RAP1B: variants seen among roughly 807,000 people sequenced by gnomAD.
RAP1B encodes the protein ras-related protein Rap-1b.
In RAP1B, 1 loss-of-function variant was observed where a neutral mutation model predicts 27.5. The observed-to-expected ratio is 0.04, with a 90% CI of 0.01 to 0.17. RAP1B has a LOEUF of 0.17. Ranked by LOEUF, RAP1B falls within the 10% of genes least tolerant of loss-of-function variation. The pLI, the probability that RAP1B is intolerant of heterozygous loss-of-function variation, is 1.00. For synonymous variants in RAP1B, 75 were observed against 73.1 expected (o/e 1.03, Z -0.13); for missense variants, 84 against 214.8 (o/e 0.39, Z 3.81).
Position 68,659,497 on chromosome 12 carries a change from T to G in RAP1B, c.*248T>G, listed in dbSNP as rs1253465192. 2 of 340,894 alleles carry G rather than the reference T, an allele frequency of 5.9e-6. No individual in the cohort carries two copies. Among genetic ancestry groups the G allele is most frequent in the Non-Finnish European group, 1.1e-5 (2 of 174,196 alleles). 21.1% of individuals were successfully genotyped at this position (340,894 alleles called of 1,614,324 possible). A position where few individuals can be genotyped will look rare whatever the true frequency, so the allele number is the denominator to read the frequency against. ...GCAGCTGGTAAAACCAGAGGCTACA[T>G]CCAGTATTACTGCTAAGAGACATTC... On this transcript the variant is annotated 3_prime_UTR_variant, in exon 8 of 8. Coordinates refer to ENST00000250559, the MANE Select transcript of RAP1B (RefSeq NM_001010942.3).
Position 68,617,229 on chromosome 12 carries a change from C to T in RAP1B, c.-27+6186C>T, listed in dbSNP as rs371743011. 2.9e-4 allele frequency among the ~76,000 whole-genome samples: 44 copies of T among 152,158 alleles called. No individual in the cohort carries two copies. In the East Asian group the frequency reaches 7.9e-3, roughly 27 times the overall value. On this transcript the variant is annotated intron_variant, in intron 1 of 7. Transcript: ENST00000250559. The stretch of plus-strand genomic sequence containing the variant: ...AATCTATTTTTACTTAGTTTTTATG[C>T]GCCAAAAGGTATGTATGTTGCATCC...
At position 68,671,077 on chromosome 12, in the gene RAP1B, A is replaced by G. The variant is rs1015892421; in HGVS notation, c.*11828A>G. 5 of 151,970 alleles carry G rather than the reference A, an allele frequency of 3.3e-5. No individual in the cohort carries two copies. The highest frequency in any genetic ancestry group is 9.7e-5 in the African/African-American group (4 of 41,368). 9.4% of individuals were successfully genotyped at this position (151,970 alleles called of 1,614,324 possible). ...AAACTATTCAAAAGATAAATGGTTG[A>G]AAGATATATAACTAGGCAGTTTAGA... On this transcript the variant is annotated 3_prime_UTR_variant, in exon 8 of 8. Coordinates refer to ENST00000250559, the MANE Select transcript of RAP1B (RefSeq NM_001010942.3).
In RAP1B at chr12:68,652,060, A is replaced by C; in HGVS notation, c.183+9A>C. ...TGGATACTGCAGGAACGGTAGGTAA[A>C]ACTAAATACCAAAGTATATACACCG... On this transcript the variant is annotated intron_variant, in intron 4 of 7. Coordinates refer to ENST00000250559, the MANE Select transcript of RAP1B (RefSeq NM_001010942.3). The C allele has an allele frequency of 2.5e-6, 4 of 1,601,074 alleles. No individual in the cohort carries two copies. The highest frequency in any genetic ancestry group is 3.4e-6 in the Non-Finnish European group (4 of 1,168,282).
At chr12:68,627,313 G>A in intron 1 of RAP1B, 1 of 784,528 alleles carries the variant, frequency 1.3e-6, no homozygotes, top group South Asian at 1.4e-5. Context: ...GCTGCTGTTT[G>A]CAGCCATTGC....
intron 1 of RAP1B, among the ~76,000 whole-genome samples, chr12:68,616,541 G>A (rs961432921): frequency 6.7e-6 from 1 of 149,266 alleles, no homozygotes; most frequent in Non-Finnish European, 1.5e-5. Context: ...CCGCCTCCAG[G>A]TTCAAGCAGA....
At chr12:68,612,169 T>G (rs1391156582) in intron 1 of RAP1B, among the ~76,000 whole-genome samples, 2 of 152,214 alleles carry the variant, frequency 1.3e-5, no homozygotes, top group Admixed American at 6.5e-5. Flanking sequence ...TCCGTCTAAT[T>G]GGATTTTGGT....
chr12:68,646,107 A>G (rs1232690319), intron 1 of RAP1B, among the ~76,000 whole-genome samples: 3 of 152,232 alleles, frequency 2.0e-5, no homozygotes, highest in Non-Finnish European at 4.4e-5. Context: ...TGTAGCTCCC[A>G]CAGCCAACTC....
At chr12:68,625,453 C>T (rs1871687686) in intron 1 of RAP1B, among the ~76,000 whole-genome samples, 1 of 152,190 alleles carries the variant, frequency 6.6e-6, no homozygotes, top group Non-Finnish European at 1.5e-5. Flanking sequence ...ACAGGAAGTA[C>T]CTATGCTCCC....
At chr12:68,648,153 TAAAC>T (rs1873553995) in intron 1 of RAP1B, 1 of 152,868 alleles carries the variant, frequency 6.5e-6, no homozygotes, top group African/African-American at 2.4e-5. Flanking sequence ...TTCATCATAC[TAAAC>T]ATTCTAAGTA....
chr12:68,649,271 C>G (rs1262823894), intron 2 of RAP1B: 1 of 153,398 alleles, frequency 6.5e-6, no homozygotes, highest in Non-Finnish European at 1.4e-5. Flanking sequence ...GTCTTAAACT[C>G]CTGGCCTCAA....
intron 4 of RAP1B, among the ~76,000 whole-genome samples, chr12:68,653,058 A>G (rs1397792199): frequency 1.3e-5 from 2 of 151,464 alleles, no homozygotes; most frequent in Admixed American, 6.6e-5. Context: ...AAAATACAAA[A>G]ATTAGCCAGG....
chr12:68,613,074 G>A (rs1870720527), intron 1 of RAP1B, among the ~76,000 whole-genome samples: 1 of 152,092 alleles, frequency 6.6e-6, no homozygotes, highest in Non-Finnish European at 1.5e-5. Context: ...GATTGCTCTG[G>A]CTGGGCGTGG....
intron 1 of RAP1B, among the ~76,000 whole-genome samples, chr12:68,613,496 C>A (rs1228251256): frequency 6.6e-6 from 1 of 151,926 alleles, no homozygotes; most frequent in African/African-American, 2.4e-5. Context: ...CCTTCTATGA[C>A]ACGCATTACT....
chr12:68,617,578 G>A (rs1871116849), intron 1 of RAP1B, among the ~76,000 whole-genome samples: 1 of 152,122 alleles, frequency 6.6e-6, no homozygotes, highest in African/African-American at 2.4e-5. Flanking sequence ...GTATAAAGAA[G>A]AAAATGAGTA....
intron 2 of RAP1B, chr12:68,649,581 C>T (rs1366783538): frequency 6.6e-6 from 1 of 152,152 alleles, no homozygotes; most frequent in Non-Finnish European, 1.5e-5. Context: ...AGCAAAGCCT[C>T]ACAAGCAAAT....
chr12:68,632,155 T>TTTTTTTG (rs1872309979), intron 1 of RAP1B, among the ~76,000 whole-genome samples: 2 of 136,498 alleles, frequency 1.5e-5, no homozygotes, highest in African/African-American at 5.9e-5. Context: ...TGTTTGTTTT[T>TTTTTTTG]TTTTTCCAGA....
intron 1 of RAP1B, among the ~76,000 whole-genome samples, chr12:68,629,259 G>A (rs1374469995): frequency 2.6e-5 from 4 of 152,166 alleles, no homozygotes; most frequent in Non-Finnish European, 2.9e-5. Context: ...GATTACAGGC[G>A]TGAGCCCTTG....
intron 1 of RAP1B, chr12:68,627,338 C>G (rs560213274): frequency 1.3e-6 from 1 of 743,908 alleles, no homozygotes; most frequent in African/African-American, 1.7e-5. Flanking sequence ...TGGGCCCCCC[C>G]ATGAGGAAAG....
chr12:68,635,464 G>A (rs1872563498), intron 1 of RAP1B, among the ~76,000 whole-genome samples: 1 of 152,006 alleles, frequency 6.6e-6, no homozygotes, highest in Non-Finnish European at 1.5e-5. Context: ...AGTATTTAAG[G>A]CCTCTTTTTT....
Sources: allele counts gnomAD v4.1 joint callset (sites outside exome capture counted in the v4.1 genomes callset), GRCh38; gene constraint gnomAD v4.1.1; transcripts MANE v1.5; gene names NCBI Gene and HGNC (gene_info 2026-07-23, HGNC 2026-07-21).